Variants in NAALADL2 observed in about 807,000 individuals in gnomAD.
The protein encoded by NAALADL2 is N-acetylated alpha-linked acidic dipeptidase like 2.
Under a neutral mutation model 87.2 loss-of-function variants are expected in NAALADL2, and 76 were observed. The observed-to-expected ratio is 0.87, with a 90% CI of 0.72 to 1.05. The LOEUF (loss-of-function observed/expected upper bound fraction) is 1.05. Among genes scored for constraint, NAALADL2 ranks in the 50% least tolerant of loss-of-function variants. The probability of loss-of-function intolerance (pLI) is 0.00; values close to 1 mark genes in which losing one functional copy is unlikely to be tolerated. For missense variants in NAALADL2, 1,089 were observed against 945.8 expected (o/e 1.15, Z -1.99); for synonymous variants, 354 against 331.0 (o/e 1.07, Z -0.75).
chr3:174,987,996 G>T (rs1746205567), intron 1 of NAALADL2, among the ~76,000 whole-genome samples: 2 of 151,428 alleles, frequency 1.3e-5, no homozygotes, highest in Non-Finnish European at 2.9e-5. Flanking sequence ...CCATAGCAAT[G>T]TATTTGATAA....
At chr3:175,593,866 T>A (rs755159134) in intron 10 of NAALADL2, among the ~76,000 whole-genome samples, 1 of 152,126 alleles carries the variant, frequency 6.6e-6, no homozygotes, top group Non-Finnish European at 1.5e-5. Context: ...GGCTTCAACA[T>A]CTTTTGGGGA....
intron 2 of NAALADL2, among the ~76,000 whole-genome samples, chr3:175,110,344 A>C (rs180941379): frequency 7.9e-5 from 12 of 151,988 alleles, no homozygotes; most frequent in South Asian, 6.2e-4. Context: ...TAAAAAATAC[A>C]GGCCATATTA....
At chr3:174,548,381 GA>G (rs200469244) in intron 1 of NAALADL2, among the ~76,000 whole-genome samples, 4 of 151,662 alleles carry the variant, frequency 2.6e-5, no homozygotes, top group African/African-American at 9.7e-5. Context: ...CATATGCACA[GA>G]AAAAAAACTA....
intron 3 of NAALADL2, among the ~76,000 whole-genome samples, chr3:174,787,028 A>G (rs1202490399): frequency 6.9e-6 from 1 of 145,442 alleles, no homozygotes; most frequent in East Asian, 2.1e-4. Flanking sequence ...ATTTTATTAT[A>G]CTGCAATATA....
intron 3 of NAALADL2, among the ~76,000 whole-genome samples, chr3:174,783,064 A>G (rs1390885524): frequency 6.6e-6 from 1 of 152,172 alleles, no homozygotes; most frequent in Non-Finnish European, 1.5e-5. Flanking sequence ...ATTTTCATGT[A>G]AAGATACACT....
intron 2 of NAALADL2, among the ~76,000 whole-genome samples, chr3:174,573,161 C>T (rs1715129954): frequency 6.6e-6 from 1 of 152,114 alleles, no homozygotes; most frequent in Non-Finnish European, 1.5e-5. Context: ...TTTTATACTC[C>T]CTTAACATGG....
intron 11 of NAALADL2, among the ~76,000 whole-genome samples, chr3:175,698,503 AAAATCTCCAAGCAAATTCC>A (rs1738504930): frequency 1.4e-5 from 2 of 141,324 alleles, no homozygotes; most frequent in African/African-American, 2.7e-5. Flanking sequence ...ATATATATAT[AAAATCTCCAAGCAAATTCC>A]TATGTACATA....
chr3:174,648,534 C>T (rs939143673), intron 2 of NAALADL2, among the ~76,000 whole-genome samples: 1 of 151,948 alleles, frequency 6.6e-6, no homozygotes, highest in South Asian at 2.1e-4. Context: ...TACAACTCTT[C>T]CTTATATAGA....
chr3:174,564,720 T>G lies in NAALADL2; in HGVS notation c.-115+14083T>G, dbSNP rs140242639. On this transcript the variant is annotated intron_variant, in intron 2 of 3. Coordinates refer to the NAALADL2 transcript ENST00000434257. The stretch of plus-strand genomic sequence containing the variant: ...AGAATTGTTATATATTCCTAATGAA[T>G]TTAGTGATTTATTATAACAAAATTG... 2.1e-3 allele frequency among the ~76,000 whole-genome samples: 314 copies of G among 152,222 alleles called. 2 individuals carry two copies. The highest frequency in any genetic ancestry group is 7.2e-3 in the African/African-American group (299 of 41,562).
intron 5 of NAALADL2, among the ~76,000 whole-genome samples, chr3:175,358,130 A>G (rs1764590434): frequency 6.6e-6 from 1 of 152,204 alleles, no homozygotes; most frequent in African/African-American, 2.4e-5. Context: ...AAGTTCATAG[A>G]GCTAAGCAAT....
chr3:175,502,857 A>T (rs181710256), intron 9 of NAALADL2, among the ~76,000 whole-genome samples: 1 of 152,180 alleles, frequency 6.6e-6, no homozygotes, highest in East Asian at 1.9e-4. Flanking sequence ...CCCATACAGA[A>T]GTTAGATATA....
intron 2 of NAALADL2, among the ~76,000 whole-genome samples, chr3:175,169,936 A>T (rs1046498190): frequency 6.6e-6 from 1 of 151,548 alleles, no homozygotes; most frequent in African/African-American, 2.4e-5. Flanking sequence ...CATTTCCTTG[A>T]TATGAGTGAG....
intron 1 of NAALADL2, among the ~76,000 whole-genome samples, chr3:175,006,211 G>A (rs1245165750): frequency 6.6e-6 from 1 of 152,110 alleles, no homozygotes; most frequent in Non-Finnish European, 1.5e-5. Context: ...GAGGACTCCA[G>A]TCATTCTGAT....
rs1729586925 is a variant in NAALADL2, at chr3:175,501,793, G to A, written c.1653+30035G>A. 3.3e-5 allele frequency among the ~76,000 whole-genome samples: 5 copies of A among 152,172 alleles called. No individual in the cohort carries two copies. In the South Asian group the frequency reaches 1.0e-3, roughly 32 times the overall value. On this transcript the variant is annotated intron_variant, in intron 9 of 13. Coordinates refer to ENST00000454872, the MANE Select transcript of NAALADL2 (RefSeq NM_207015.3). ...TTATGAAACTTGAATTTAGGAGAAA[G>A]GTAAATGCTAAATATAAAAAATTAA...
chr3:175,746,776 C>T (rs1745990846), intron 12 of NAALADL2, among the ~76,000 whole-genome samples: 1 of 152,116 alleles, frequency 6.6e-6, no homozygotes, highest in Non-Finnish European at 1.5e-5. Flanking sequence ...AGAGGTTGGC[C>T]ATCCATTGGG....
At chr3:174,733,972 A>G (rs1239621003) in intron 2 of NAALADL2, among the ~76,000 whole-genome samples, 1 of 152,194 alleles carries the variant, frequency 6.6e-6, no homozygotes, top group Non-Finnish European at 1.5e-5. Context: ...AAATTCAGGT[A>G]AAACAAATGT....
At chr3:174,894,616 A>G (rs1731275398) in intron 1 of NAALADL2, among the ~76,000 whole-genome samples, 1 of 72,460 alleles carries the variant, frequency 1.4e-5, no homozygotes, top group East Asian at 5.8e-4. Context: ...AAAAAAAAAA[A>G]AAAAAAAAAA....
chr3:175,624,979 A>T (rs1726783173), intron 10 of NAALADL2, among the ~76,000 whole-genome samples: 1 of 152,048 alleles, frequency 6.6e-6, no homozygotes, highest in African/African-American at 2.4e-5. Context: ...ACATTGTAGA[A>T]TTATTAATCA....
chr3:175,442,588 C>CG (rs1719987980), intron 5 of NAALADL2, among the ~76,000 whole-genome samples: 2 of 152,112 alleles, frequency 1.3e-5, no homozygotes, highest in Non-Finnish European at 2.9e-5. Flanking sequence ...TTATTTGTAA[C>CG]ATTTCAAACA....
Sources: gnomAD v4.1 joint callset for allele counts (sites outside exome capture counted in the v4.1 genomes callset) on GRCh38, gnomAD v4.1.1 for gene constraint, MANE v1.5 for transcripts, NCBI Gene and HGNC (gene_info 2026-07-23, HGNC 2026-07-21) for gene names.